Variants in KCNU1 observed in about 807,000 individuals in gnomAD.
KCNU1 encodes potassium calcium-activated channel subfamily U member 1.
A neutral mutation model predicts 126.8 loss-of-function variants in KCNU1; 93 were observed. The observed-to-expected ratio is 0.73, with a 90% CI of 0.62 to 0.87. KCNU1 has a LOEUF of 0.87. KCNU1 is among the 40% of genes least tolerant of loss of function. The probability of loss-of-function intolerance (pLI) is 0.00; values close to 1 mark genes in which losing one functional copy is unlikely to be tolerated. For synonymous variants in KCNU1, 523 were observed against 494.2 expected (o/e 1.06, Z -0.77); for missense variants, 1,330 against 1,367.1 (o/e 0.97, Z 0.43).
intron 7 of KCNU1, among the ~76,000 whole-genome samples, chr8:36,810,250 C>CA (rs5890885): frequency 0.29 from 40,917 of 139,258 alleles, 7,173 homozygotes; most frequent in African/African-American, 0.49. Context: ...GACTCCATCT[C>CA]AAAAAAAAAA....
intron 19 of KCNU1, among the ~76,000 whole-genome samples, chr8:36,888,286 C>T (rs1302690895): frequency 6.6e-6 from 1 of 152,016 alleles, no homozygotes; most frequent in Non-Finnish European, 1.5e-5. Flanking sequence ...AAAGGAAATA[C>T]TAGAAATCAA....
intron 19 of KCNU1, among the ~76,000 whole-genome samples, chr8:36,881,661 C>A (rs1306895341): frequency 6.6e-6 from 1 of 152,074 alleles, no homozygotes; most frequent in African/African-American, 2.4e-5. Flanking sequence ...AGACACAAAC[C>A]TGAGTGTCTG....
intron 19 of KCNU1, among the ~76,000 whole-genome samples, chr8:36,874,249 AT>A (rs1182111046): frequency 6.6e-6 from 1 of 152,202 alleles, no homozygotes; most frequent in Admixed American, 6.5e-5. Context: ...TTTTTTATTT[AT>A]AAGCCCATCT....
intron 10 of KCNU1, among the ~76,000 whole-genome samples, chr8:36,825,692 A>G (rs145489425): frequency 0.011 from 1,741 of 152,252 alleles, 17 homozygotes; most frequent in Middle Eastern, 0.024. Flanking sequence ...CCCAACCCCT[A>G]AAACTTTTAA....
At chr8:36,797,116 C>G (rs927574016) in intron 2 of KCNU1, among the ~76,000 whole-genome samples, 13 of 152,080 alleles carry the variant, frequency 8.5e-5, no homozygotes, top group African/African-American at 3.1e-4. Flanking sequence ...AACACTCGCG[C>G]CTCCACTTCC....
chr8:36,833,579 A>T lies in KCNU1; in HGVS notation c.1132A>T (p.Thr378Ser), dbSNP rs1804638337. 1 of 1,611,240 alleles carries T rather than the reference A, an allele frequency of 6.2e-7. No individual in the cohort carries two copies. Among genetic ancestry groups the T allele is most frequent in the Admixed American group, 1.7e-5 (1 of 59,906 alleles). The change falls in exon 11 of 27, where the codon ACC becomes TCC. Residue 378 changes from threonine (T) to serine (S), a missense_variant. Thr to Ser is a moderately conservative substitution (Grantham distance 58). Around this residue, in one of 3 missense-constraint regions of KCNU1, gnomAD observed 1,054 missense variants for 1,053.9 expected, o/e 1.00. Coordinates refer to ENST00000399881, the MANE Select transcript of KCNU1 (RefSeq NM_001031836.3). ...GETPPSLELE[T>S]IFKCYLAYTT... ...AACCCCTCCTTCTTTGGAACTTGAA[A>T]CCATATTTAAATGCTACTTGGCCTA...
intron 19 of KCNU1, among the ~76,000 whole-genome samples, chr8:36,901,133 G>A (rs1235363901): frequency 6.6e-6 from 1 of 151,980 alleles, no homozygotes; most frequent in Non-Finnish European, 1.5e-5. Context: ...AACAGTGGAA[G>A]ATCTCATTTT....
At chr8:36,890,481 G>A (rs1349218146) in intron 19 of KCNU1, among the ~76,000 whole-genome samples, 2 of 151,644 alleles carry the variant, frequency 1.3e-5, no homozygotes, top group Admixed American at 1.3e-4. Context: ...GCAAATTTGA[G>A]GTCAACTCCT....
At chr8:36,803,072 C>A (rs558521290) in intron 2 of KCNU1, among the ~76,000 whole-genome samples, 1 of 152,294 alleles carries the variant, frequency 6.6e-6, no homozygotes, top group East Asian at 1.9e-4. Flanking sequence ...AGTTCCTTCT[C>A]TGATCTCCCC....
Position 36,858,116 on chromosome 8 carries a change from C to A in KCNU1, c.1892-6288C>A, listed in dbSNP as rs182430194. 4.5e-5 allele frequency among the ~76,000 whole-genome samples: 6 copies of A among 134,674 alleles called. No individual in the cohort carries two copies. The East Asian group carries it at 1.5e-3, about 33-fold the overall frequency. The allele number at this position is 134,674 out of a possible 152,430, so 88.4% of individuals were successfully genotyped here. On this transcript the variant is annotated intron_variant, in intron 18 of 26. Transcript: ENST00000399881. ...CCCAAAACTAAAGGCTCTGTCTTAA[C>A]ATTATCTTCTGTGAATCTTTGTACT...
chr8:36,929,513 T>C (rs1808636630), intron 24 of KCNU1, among the ~76,000 whole-genome samples: 1 of 151,068 alleles, frequency 6.6e-6, no homozygotes, highest in Admixed American at 6.6e-5. Flanking sequence ...TACAAGCAAC[T>C]AACTGTAAAA....
chr8:36,793,216 A>AG (rs1302209777), intron 2 of KCNU1, among the ~76,000 whole-genome samples: 1 of 58,608 alleles, frequency 1.7e-5, no homozygotes, highest in Non-Finnish European at 3.4e-5. Flanking sequence ...GGATAGGGGG[A>AG]GGGGGGAGGG....
chr8:36,925,235 C>A (rs552812592), intron 24 of KCNU1, among the ~76,000 whole-genome samples: 3 of 152,252 alleles, frequency 2.0e-5, no homozygotes, highest in South Asian at 4.1e-4. Context: ...CATGAGATCA[C>A]AACACACAGT....
intron 19 of KCNU1, among the ~76,000 whole-genome samples, chr8:36,868,490 A>T (rs569510258): frequency 4.6e-5 from 7 of 152,258 alleles, no homozygotes. Context: ...AGTTTTGCTG[A>T]CAATGAACTT....
In KCNU1 at chr8:36,787,330, G is replaced by A. The variant is rs775251836; in HGVS notation, c.220G>A (p.Ala74Thr). The part of the protein sequence containing the change: ...ILELFTSGTI[A>T]RSHVRSLHFQ... ...GGAACTGTTCACATCAGGTACCATC[G>A]CTAGGAGCCATGTAAGAAGCCTCCA... Residue 74 changes from alanine to threonine, a missense_variant, in exon 2 of 27, where the codon GCT (alanine) becomes ACT (threonine). This residue lies in a region of KCNU1 where 247 missense variants were observed against 255.4 expected (regional missense o/e 0.97). Coordinates refer to ENST00000399881, the MANE Select transcript of KCNU1 (RefSeq NM_001031836.3). 20 of 1,611,108 alleles carry A rather than the reference G, an allele frequency of 1.2e-5. No homozygotes were observed. Among genetic ancestry groups the A allele is most frequent in the African/African-American group, 5.3e-5 (4 of 74,800 alleles).
At chr8:36,919,275 G>A (rs558039213) in intron 23 of KCNU1, among the ~76,000 whole-genome samples, 1 of 152,192 alleles carries the variant, frequency 6.6e-6, no homozygotes, top group Admixed American at 6.5e-5. Context: ...TTCCAGCAGT[G>A]ACACCAGGGC....
chr8:36,789,068 T>C (rs919348419), intron 2 of KCNU1, among the ~76,000 whole-genome samples: 4 of 152,168 alleles, frequency 2.6e-5, no homozygotes, highest in African/African-American at 9.7e-5. Flanking sequence ...TTAGAATAAA[T>C]GCTCTAGGCC....
intron 18 of KCNU1, among the ~76,000 whole-genome samples, chr8:36,859,872 A>AAT (rs1437130265): frequency 6.6e-6 from 1 of 152,202 alleles, no homozygotes; most frequent in African/African-American, 2.4e-5. Flanking sequence ...GTACATAAAG[A>AAT]ATATATAAAT....
intron 10 of KCNU1, among the ~76,000 whole-genome samples, chr8:36,825,296 T>C (rs1271043665): frequency 6.6e-6 from 1 of 152,198 alleles, no homozygotes; most frequent in Non-Finnish European, 1.5e-5. Flanking sequence ...TAAATGATGA[T>C]CCATTTGTCT....
Sources: allele counts gnomAD v4.1 joint callset (sites outside exome capture counted in the v4.1 genomes callset), GRCh38; gene constraint gnomAD v4.1.1; regional missense constraint gnomAD v4.1.1; transcripts MANE v1.5; gene names NCBI Gene and HGNC (gene_info 2026-07-23, HGNC 2026-07-21).